Variants in PIP4K2B observed in about 807,000 individuals in gnomAD.
PIP4K2B encodes the protein phosphatidylinositol-5-phosphate 4-kinase type 2 beta.
PIP4K2B carries 3 observed loss-of-function variants against 42.0 expected under a neutral mutation model. The ratio of observed to expected loss-of-function variants is 0.07; its 90% CI spans 0.03 to 0.18. The LOEUF (loss-of-function observed/expected upper bound fraction) is 0.18, where lower values mean the gene tolerates loss of function less well. Ranked by LOEUF, PIP4K2B falls within the 10% of genes least tolerant of loss-of-function variation. The pLI is 1.00. For missense variants in PIP4K2B, 332 were observed against 562.3 expected, an observed-to-expected ratio of 0.59 and a Z score of 4.14; for synonymous variants, 204 against 210.1, an observed-to-expected ratio of 0.97 and a Z score of 0.25.
intron 1 of PIP4K2B, among the ~76,000 whole-genome samples, chr17:38,789,894 A>T (rs1476541841): frequency 6.6e-6 from 1 of 152,088 alleles, no homozygotes; most frequent in East Asian, 1.9e-4. Flanking sequence ...TTTATATGAA[A>T]TTCTACAGCA....
chr17:38,786,973 A>G (rs1226873557), intron 1 of PIP4K2B, 53 bp from the exon 2 acceptor site: 1 of 1,093,268 alleles, frequency 9.1e-7, no homozygotes, highest in Non-Finnish European at 1.4e-6. Context: ...CCTGCCTCAG[A>G]GACACTAAGC....
intron 6 of PIP4K2B, 55 bp downstream of exon 6, chr17:38,778,279 A>G (rs1909481542): frequency 1.3e-6 from 2 of 1,547,574 alleles, no homozygotes; most frequent in South Asian, 1.1e-5. Context: ...GATGGCCGAC[A>G]GGAGTTGTTT....
intron 7 of PIP4K2B, among the ~76,000 whole-genome samples, chr17:38,773,652 T>C (rs1427400125): frequency 6.6e-6 from 1 of 152,060 alleles, no homozygotes; most frequent in African/African-American, 2.4e-5. Flanking sequence ...AGAATCATCA[T>C]GGAAGCAGAG....
chr17:38,789,237 C>T (rs1910211075), intron 1 of PIP4K2B, among the ~76,000 whole-genome samples: 1 of 152,254 alleles, frequency 6.6e-6, no homozygotes, highest in Non-Finnish European at 1.5e-5. Context: ...TTCTGACTTT[C>T]ATCCCTTCAG....
chr17:38,787,782 G>A (rs1216626788), intron 1 of PIP4K2B, among the ~76,000 whole-genome samples: 1 of 152,052 alleles, frequency 6.6e-6, no homozygotes, highest in African/African-American at 2.4e-5. Context: ...ATTTTTAGTA[G>A]AGACAGGGTT....
At position 38,769,510 on chromosome 17, in the gene PIP4K2B, AT is replaced by A. The variant is rs1908889028; in HGVS notation, c.*180del. The A allele has an allele frequency of 1.6e-6, 1 of 634,384 alleles. No individual in the cohort carries two copies. The highest frequency in any genetic ancestry group is 2.9e-6 in the Non-Finnish European group (1 of 350,558). The allele number at this position is 634,384 out of a possible 1,614,324, so 39.3% of individuals were successfully genotyped here. A position where few individuals can be genotyped will look rare whatever the true frequency, so the allele number is the denominator to read the frequency against. ...CTGTGAGCAGGTGCACACACAGCAC[AT>A]CCCCCTCCTCTTCAGCTAAAGTCTC... On this transcript the variant is annotated 3_prime_UTR_variant, in exon 10 of 10. Transcript: ENST00000619039.
chr17:38,799,215 G>A lies in PIP4K2B; in HGVS notation c.159+51C>T, dbSNP rs1251021904. 5 of 1,529,250 alleles carry A rather than the reference G, an allele frequency of 3.3e-6. No homozygotes were observed. Among genetic ancestry groups the A allele is most frequent in the Middle Eastern group, 1.7e-4 (1 of 5,768 alleles). 94.7% of individuals were successfully genotyped at this position (1,529,250 alleles called of 1,614,324 possible). ...GGGCAAGGGCCCAGGGCTGCAGGGG[G>A]CGTGGGAGCGCGCGGGGCCGCGCTC... On this transcript the variant is annotated intron_variant, in intron 1 of 9. Coordinates refer to ENST00000619039, the MANE Select transcript of PIP4K2B (RefSeq NM_003559.5). The surrounding 1 kb of genome is among the most constrained non-coding windows in gnomAD (Gnocchi z 4.4).
intron 7 of PIP4K2B, among the ~76,000 whole-genome samples, chr17:38,775,549 A>T (rs555449172): frequency 6.6e-6 from 1 of 152,168 alleles, no homozygotes; most frequent in East Asian, 1.9e-4. Context: ...GCTCAGCCTT[A>T]TTCAGCTTTA....
intron 1 of PIP4K2B, among the ~76,000 whole-genome samples, chr17:38,791,192 T>C (rs1219519081): frequency 2.0e-5 from 3 of 152,054 alleles, no homozygotes; most frequent in Non-Finnish European, 4.4e-5. Context: ...GGCCAGAGGG[T>C]CAGGCTCCCA....
At chr17:38,776,663 CACCT>C in intron 7 of PIP4K2B, 2 of 432,572 alleles carry the variant, frequency 4.6e-6, no homozygotes, top group Non-Finnish European at 9.1e-6. Flanking sequence ...ACAAAAAAAA[CACCT>C]ATTATTATAT....
intron 1 of PIP4K2B, among the ~76,000 whole-genome samples, chr17:38,792,239 C>A (rs1910381053): frequency 6.6e-6 from 1 of 152,128 alleles, no homozygotes; most frequent in African/African-American, 2.4e-5. Context: ...GCCTCAACTT[C>A]CTGAGCTCAG....
chr17:38,782,457 A>C (rs1243562098), intron 3 of PIP4K2B, among the ~76,000 whole-genome samples: 1 of 152,182 alleles, frequency 6.6e-6, no homozygotes, highest in Non-Finnish European at 1.5e-5. Flanking sequence ...CCAAGGAACA[A>C]TGGAGGGAAT....
intron 1 of PIP4K2B, among the ~76,000 whole-genome samples, chr17:38,789,274 G>A (rs1910213952): frequency 6.6e-6 from 1 of 152,246 alleles, no homozygotes. Context: ...CAGAGAGCTA[G>A]CTTTCCATTG....
chr17:38,798,934 G>A (rs972181095), intron 1 of PIP4K2B, among the ~76,000 whole-genome samples: 9 of 152,204 alleles, frequency 5.9e-5, no homozygotes, highest in Non-Finnish European at 1.2e-4. Flanking sequence ...GGGGGGAGGA[G>A]GAGAAGCAGG....
intron 1 of PIP4K2B, among the ~76,000 whole-genome samples, chr17:38,790,540 C>A (rs1021731516): frequency 6.6e-6 from 1 of 152,172 alleles, no homozygotes; most frequent in African/African-American, 2.4e-5. Flanking sequence ...CTCACTGCAA[C>A]CTCTGCCTCC....
At chr17:38,790,109 T>A (rs1910266314) in intron 1 of PIP4K2B, among the ~76,000 whole-genome samples, 1 of 152,118 alleles carries the variant, frequency 6.6e-6, no homozygotes, top group Non-Finnish European at 1.5e-5. Context: ...CATAAATTAT[T>A]CCTCAATAAA....
chr17:38,787,893 C>T (rs941264496), intron 1 of PIP4K2B, among the ~76,000 whole-genome samples: 4 of 152,160 alleles, frequency 2.6e-5, no homozygotes, highest in African/African-American at 4.8e-5. Flanking sequence ...CCACCACGCT[C>T]GGCTTTAATT....
chr17:38,782,392 G>A (rs1909764359), intron 3 of PIP4K2B, among the ~76,000 whole-genome samples: 1 of 152,226 alleles, frequency 6.6e-6, no homozygotes, highest in Non-Finnish European at 1.5e-5. Flanking sequence ...ACACTGAGAG[G>A]ATGTGGTTAG....
chr17:38,787,882 G>GCCA (rs910732147), intron 1 of PIP4K2B, among the ~76,000 whole-genome samples: 8 of 152,232 alleles, frequency 5.3e-5, no homozygotes, highest in Non-Finnish European at 1.0e-4. Context: ...ACAGGCGTGA[G>GCCA]CCACCACGCT....
Sources: allele counts gnomAD v4.1 joint callset (sites outside exome capture counted in the v4.1 genomes callset), GRCh38; gene constraint gnomAD v4.1.1; non-coding constraint Gnocchi (gnomAD v3.1); transcripts MANE v1.5; gene names NCBI Gene and HGNC (gene_info 2026-07-23, HGNC 2026-07-21).